Variants in RNASEH2B observed in about 807,000 individuals in gnomAD.
RNASEH2B encodes the protein ribonuclease H2 subunit B, also known as Aicardi-Goutieres syndrome 2 protein.
A neutral mutation model predicts 45.0 loss-of-function variants in RNASEH2B; 36 were observed. The observed-to-expected ratio is 0.80, with a 90% CI of 0.61 to 1.06. The LOEUF is 1.06. Ranked by LOEUF, RNASEH2B falls within the 50% of genes least tolerant of loss-of-function variation. RNASEH2B has a pLI of 0.00. For synonymous variants in RNASEH2B, 119 were observed against 125.7 expected (o/e 0.95, Z 0.35); for missense variants, 361 against 360.3 (o/e 1.00, Z -0.02).
chr13:50,957,038 A>T (rs1355475090), downstream of RNASEH2B, among the ~76,000 whole-genome samples: 1 of 151,928 alleles, frequency 6.6e-6, no homozygotes, highest in African/African-American at 2.4e-5. Context: ...CCCAGAGATA[A>T]TGTATTGTCT....
chr13:50,953,822 T>G, intron 9 of RNASEH2B, 83 bp from the exon 10 acceptor site: 1 of 924,770 alleles, frequency 1.1e-6, no homozygotes, highest in Non-Finnish European at 1.8e-6. Flanking sequence ...GAGGTCTAAA[T>G]TATACATGTT....
chr13:50,940,493 C>G (rs1951820678), intron 5 of RNASEH2B, among the ~76,000 whole-genome samples: 1 of 152,222 alleles, frequency 6.6e-6, no homozygotes, highest in South Asian at 2.1e-4. Context: ...TTACTTGCCC[C>G]TTTCCCCCAA....
intron 1 of RNASEH2B, among the ~76,000 whole-genome samples, chr13:50,921,685 A>G (rs1951525801): frequency 6.6e-6 from 1 of 152,232 alleles, no homozygotes; most frequent in Admixed American, 6.5e-5. Context: ...CCAAGTCTTC[A>G]AAGTTCAGTG....
At chr13:50,969,839 C>G (rs1477905416) in intron 9 of RNASEH2B, 9 of 1,270,202 alleles carry the variant, frequency 7.1e-6, no homozygotes, top group Admixed American at 2.0e-5. Context: ...GCCAGCCCTG[C>G]GTTCTGTTCT....
chr13:50,918,400 G>A (rs1467741810), intron 1 of RNASEH2B, among the ~76,000 whole-genome samples: 1 of 152,202 alleles, frequency 6.6e-6, no homozygotes, highest in Non-Finnish European at 1.5e-5. Flanking sequence ...GCCTCCCAAA[G>A]TGTTGGGATT....
intron 9 of RNASEH2B, among the ~76,000 whole-genome samples, chr13:50,963,509 T>C (rs1265693186): frequency 6.6e-6 from 1 of 152,170 alleles, no homozygotes; most frequent in Non-Finnish European, 1.5e-5. Flanking sequence ...TTGGTTCTTC[T>C]TTATGTCTTC....
At chr13:50,910,371 CGGTGGCTCGGGTGGGAG>C (rs957954956) in intron 1 of RNASEH2B, 6 of 379,190 alleles carry the variant, frequency 1.6e-5, no homozygotes, top group Non-Finnish European at 2.3e-5. Context: ...CCCTGATCCC[CGGTGGCTCGGGTGGGAG>C]GGTGGAAGCC....
upstream of RNASEH2B, chr13:50,909,778 A>C: frequency 1.0e-5 from 3 of 297,338 alleles, no homozygotes; most frequent in Non-Finnish European, 1.9e-5. Context: ...GCGGCGCGCG[A>C]TGAGCACCTA....
chr13:50,956,297 C>T (rs1683981385), intron 10 of RNASEH2B, 61 bp from the exon 11 acceptor site: 2 of 1,336,060 alleles, frequency 1.5e-6, no homozygotes, highest in South Asian at 2.6e-5. Flanking sequence ...TCTTTGATTT[C>T]CATATATGAT....
intron 1 of RNASEH2B, among the ~76,000 whole-genome samples, chr13:50,913,542 T>G (rs1319305548): frequency 6.6e-6 from 1 of 152,084 alleles, no homozygotes; most frequent in African/African-American, 2.4e-5. Flanking sequence ...AAAACTCATT[T>G]GGGTTCACTT....
chr13:50,948,315 G>T (rs1365418380), intron 8 of RNASEH2B: 2 of 465,036 alleles, frequency 4.3e-6, no homozygotes, highest in East Asian at 4.3e-5. Flanking sequence ...GATTTTAGAG[G>T]ATTAACTATG....
chr13:50,954,295 C>T (rs918577110), intron 10 of RNASEH2B: 1 of 511,538 alleles, frequency 2.0e-6, no homozygotes, highest in African/African-American at 1.9e-5. Flanking sequence ...TTTTGTCAAC[C>T]CTGCTGCCCA....
chr13:50,909,914 G>C lies in RNASEH2B; in HGVS notation c.-163G>C. The C allele has an allele frequency of 3.8e-6, 2 of 522,148 alleles. No individual in the cohort carries two copies. Among genetic ancestry groups the C allele is most frequent in the Admixed American group, 8.6e-5 (2 of 23,202 alleles). The allele number at this position is 522,148 out of a possible 1,614,324, so 32.3% of individuals were successfully genotyped here. A position where few individuals can be genotyped will look rare whatever the true frequency, so the allele number is the denominator to read the frequency against. On this transcript the variant is annotated 5_prime_UTR_variant, in exon 1 of 11. Coordinates refer to ENST00000336617, the MANE Select transcript of RNASEH2B (RefSeq NM_024570.4). Reference sequence around the variant, plus strand: ...GTAACACGAGCAGCAGGCTGGTCTCGGAAACGAAACGAAATTCGGTCCCTG... The same window carrying C: ...GTAACACGAGCAGCAGGCTGGTCTCCGAAACGAAACGAAATTCGGTCCCTG...
intron 9 of RNASEH2B, among the ~76,000 whole-genome samples, chr13:50,963,198 C>T (rs1377550615): frequency 6.6e-6 from 1 of 151,972 alleles, no homozygotes; most frequent in African/African-American, 2.4e-5. Flanking sequence ...GAGTTTCGCT[C>T]TTGTTGCCCA....
At chr13:50,960,190 A>G (rs992191602), downstream of RNASEH2B, 4 of 1,031,388 alleles carry the variant, frequency 3.9e-6, no homozygotes, top group African/African-American at 1.6e-5. Context: ...TTATATTTTT[A>G]TATATTTATC....
At chr13:50,947,452 T>C (rs993605295) in intron 7 of RNASEH2B, among the ~76,000 whole-genome samples, 8 of 151,652 alleles carry the variant, frequency 5.3e-5, no homozygotes, top group African/African-American at 1.7e-4. Context: ...TAGAACAATA[T>C]GTATGTATAG....
At chr13:50,938,215 T>C (rs1951783600) in intron 5 of RNASEH2B, 1 of 152,202 alleles carries the variant, frequency 6.6e-6, no homozygotes, top group South Asian at 2.1e-4. Flanking sequence ...TAACACAATA[T>C]GTTCAAGACC....
At chr13:50,926,082 TTTGTTGTTG>T (rs145991274) in intron 1 of RNASEH2B, among the ~76,000 whole-genome samples, 105 of 152,176 alleles carry the variant, frequency 6.9e-4, no homozygotes, top group Non-Finnish European at 1.1e-3. Flanking sequence ...TTTGTGGGTT[TTTGTTGTTG>T]TTGTTGTTTC....
chr13:50,946,197 T>G (rs998300772), intron 7 of RNASEH2B, among the ~76,000 whole-genome samples: 2 of 152,224 alleles, frequency 1.3e-5, no homozygotes, highest in African/African-American at 4.8e-5. Context: ...CCTCTTATTT[T>G]TATATGTATA....
Sources: gnomAD v4.1 joint callset for allele counts (sites outside exome capture counted in the v4.1 genomes callset) on GRCh38, gnomAD v4.1.1 for gene constraint, MANE v1.5 for transcripts, NCBI Gene and HGNC (gene_info 2026-07-23, HGNC 2026-07-21) for gene names.